UBL3: variants seen among roughly 807,000 people sequenced by gnomAD.
The protein encoded by UBL3 is ubiquitin-like protein 3.
A neutral mutation model predicts 18.4 loss-of-function variants in UBL3; 6 were observed. That is an observed-to-expected ratio of 0.33 (90% CI 0.18 to 0.64). UBL3 has a LOEUF of 0.64. UBL3 is among the 30% of genes least tolerant of loss of function. The pLI, the probability that UBL3 is intolerant of heterozygous loss-of-function variation, is 0.76. For missense variants in UBL3, 109 were observed against 142.9 expected (o/e 0.76, Z 1.21); for synonymous variants, 49 against 46.6 (o/e 1.05, Z -0.21).
chr13:29,772,640 AATATATTG>A (rs1469510264), intron 2 of UBL3, among the ~76,000 whole-genome samples: 1 of 152,140 alleles, frequency 6.6e-6, no homozygotes, highest in Admixed American at 6.6e-5. Context: ...AAAAACAGTT[AATATATTG>A]ATATTGAGAA....
At chr13:29,796,770 T>A (rs1877625163) in intron 1 of UBL3, among the ~76,000 whole-genome samples, 1 of 152,222 alleles carries the variant, frequency 6.6e-6, no homozygotes, top group Non-Finnish European at 1.5e-5. Flanking sequence ...ATAAAATGAT[T>A]TCATCTTGGA....
chr13:29,785,564 T>C (rs1877292727), intron 1 of UBL3, among the ~76,000 whole-genome samples: 1 of 152,230 alleles, frequency 6.6e-6, no homozygotes, highest in African/African-American at 2.4e-5. Flanking sequence ...AGGGCATATT[T>C]TGAATTTTTG....
intron 1 of UBL3, among the ~76,000 whole-genome samples, chr13:29,840,018 C>G (rs1038134319): frequency 2.0e-5 from 3 of 149,672 alleles, no homozygotes; most frequent in Non-Finnish European, 4.4e-5. Context: ...TTTAAAAGTA[C>G]AGAAAATTAT....
chr13:29,825,339 G>A (rs1267883181), intron 1 of UBL3, among the ~76,000 whole-genome samples: 1 of 152,208 alleles, frequency 6.6e-6, no homozygotes, highest in Non-Finnish European at 1.5e-5. Flanking sequence ...CATCAGCATG[G>A]AATGTTCTTC....
intron 1 of UBL3, among the ~76,000 whole-genome samples, chr13:29,805,284 C>T (rs1877871869): frequency 6.6e-6 from 1 of 152,222 alleles, no homozygotes. Context: ...CACAGTAATT[C>T]TCTCTTGGGA....
rs1331650283 is a variant in UBL3 at position 29,837,283 on chromosome 13, G to A, written c.27+12229C>T. ...TCTAGGTATGACGGTCATCAGACAG[G>A]AATTTTGCAACAGTAGTTAATATAC... On this transcript the variant is annotated intron_variant, in intron 1 of 4. Coordinates refer to ENST00000380680, the MANE Select transcript of UBL3 (RefSeq NM_007106.4). Among the ~76,000 whole-genome samples, 4 of 152,068 alleles carry A rather than the reference G, an allele frequency of 2.6e-5. No individual in the cohort carries two copies. The East Asian group carries it at 7.7e-4, about 29-fold the overall frequency.
At chr13:29,826,989 G>A (rs999851478) in intron 1 of UBL3, among the ~76,000 whole-genome samples, 1 of 152,192 alleles carries the variant, frequency 6.6e-6, no homozygotes, top group Admixed American at 6.5e-5. Context: ...ATGCAGTTGT[G>A]TGGTTTTGAG....
At chr13:29,814,566 C>A (rs1878216570) in intron 1 of UBL3, among the ~76,000 whole-genome samples, 1 of 151,972 alleles carries the variant, frequency 6.6e-6, no homozygotes, top group South Asian at 2.1e-4. Flanking sequence ...AATATTAACA[C>A]CCACTCTTTT....
At chr13:29,833,364 A>C (rs1878832061) in intron 1 of UBL3, among the ~76,000 whole-genome samples, 1 of 152,206 alleles carries the variant, frequency 6.6e-6, no homozygotes, top group African/African-American at 2.4e-5. Context: ...TATTGATGGG[A>C]TCTATCTAGG....
At chr13:29,787,056 A>G (rs1877339387) in intron 1 of UBL3, among the ~76,000 whole-genome samples, 1 of 152,204 alleles carries the variant, frequency 6.6e-6, no homozygotes, top group Non-Finnish European at 1.5e-5. Flanking sequence ...CCATTCAACT[A>G]CTTATTAGCT....
intron 1 of UBL3, among the ~76,000 whole-genome samples, chr13:29,805,304 G>A (rs1412191399): frequency 6.6e-6 from 1 of 152,128 alleles, no homozygotes; most frequent in Non-Finnish European, 1.5e-5. Context: ...AATTCTGTCT[G>A]GAAAACAAAC....
chr13:29,848,730 G>A (rs559032000), intron 1 of UBL3, among the ~76,000 whole-genome samples: 174 of 152,250 alleles, frequency 1.1e-3, no homozygotes, highest in Non-Finnish European at 2.1e-3. Context: ...GTTACTGTTA[G>A]TCAACCGACT....
At chr13:29,835,870 C>A (rs1878950289) in intron 1 of UBL3, among the ~76,000 whole-genome samples, 1 of 147,634 alleles carries the variant, frequency 6.8e-6, no homozygotes, top group South Asian at 2.1e-4. Context: ...GGAGCCAATA[C>A]AATTAAAGCA....
intron 1 of UBL3, among the ~76,000 whole-genome samples, chr13:29,804,109 T>C (rs1333860200): frequency 6.6e-6 from 1 of 151,318 alleles, no homozygotes; most frequent in Non-Finnish European, 1.5e-5. Context: ...CCTGAAATTA[T>C]ACTGCCATAC....
intron 1 of UBL3, among the ~76,000 whole-genome samples, chr13:29,785,398 TG>T (rs1457714177): frequency 6.6e-6 from 1 of 152,228 alleles, no homozygotes; most frequent in Non-Finnish European, 1.5e-5. Context: ...TGTCGGTCTC[TG>T]GTTATTTTTC....
chr13:29,846,871 C>A (rs1035207708), intron 1 of UBL3, among the ~76,000 whole-genome samples: 1 of 152,212 alleles, frequency 6.6e-6, no homozygotes, highest in African/African-American at 2.4e-5. Context: ...TAACATTTTA[C>A]TGCATCTAGC....
intron 1 of UBL3, among the ~76,000 whole-genome samples, chr13:29,845,512 C>A (rs1357371038): frequency 6.6e-6 from 1 of 151,996 alleles, no homozygotes; most frequent in Non-Finnish European, 1.5e-5. Context: ...TGGACCTTTT[C>A]CTTTCATGGC....
At chr13:29,806,719 C>T (rs1399568845) in intron 1 of UBL3, among the ~76,000 whole-genome samples, 2 of 152,194 alleles carry the variant, frequency 1.3e-5, no homozygotes, top group Non-Finnish European at 2.9e-5. Context: ...GCATTTTCCT[C>T]ACTCCAAAAC....
At chr13:29,839,634 T>C (rs897351732) in intron 1 of UBL3, among the ~76,000 whole-genome samples, 1 of 151,896 alleles carries the variant, frequency 6.6e-6, no homozygotes, top group Non-Finnish European at 1.5e-5. Context: ...CTTAAAAAGA[T>C]TTTAAAAAAT....
Sources: allele counts gnomAD v4.1 joint callset (sites outside exome capture counted in the v4.1 genomes callset), GRCh38; gene constraint gnomAD v4.1.1; transcripts MANE v1.5; gene names NCBI Gene and HGNC (gene_info 2026-07-23, HGNC 2026-07-21).